TMTC2: variants seen among roughly 807,000 people sequenced by gnomAD.
The protein encoded by TMTC2 is protein O-mannosyl-transferase TMTC2.
A neutral mutation model predicts 82.4 loss-of-function variants in TMTC2; 43 were observed. The observed-to-expected ratio is 0.52, with a 90% CI of 0.41 to 0.67. TMTC2 has a LOEUF of 0.67. Among genes scored for constraint, TMTC2 ranks in the 30% least tolerant of loss-of-function variants. The pLI, the probability that TMTC2 is intolerant of heterozygous loss-of-function variation, is 0.00. For synonymous variants in TMTC2, 408 were observed against 381.9 expected (o/e 1.07, Z -0.80); for missense variants, 919 against 1,012.4 (o/e 0.91, Z 1.25).
At chr12:82,885,608 G>A (rs2137162379) in intron 2 of TMTC2, among the ~76,000 whole-genome samples, 1 of 151,822 alleles carries the variant, frequency 6.6e-6, no homozygotes, top group Non-Finnish European at 1.5e-5. Context: ...GGCCTTGAGT[G>A]ATTCCCCCCA....
chr12:82,765,682 C>T (rs1281120571), intron 1 of TMTC2, among the ~76,000 whole-genome samples: 1 of 142,292 alleles, frequency 7.0e-6, no homozygotes, highest in Non-Finnish European at 1.6e-5. Context: ...CTCGAAAAAA[C>T]AAAACAAAAC....
chr12:82,963,481 G>A (rs1878034068), intron 4 of TMTC2, among the ~76,000 whole-genome samples: 2 of 151,124 alleles, frequency 1.3e-5, no homozygotes, highest in East Asian at 3.9e-4. Flanking sequence ...TTCTTTATCT[G>A]AATTTTAAAG....
chr12:82,866,955 A>G (rs1167311655), intron 2 of TMTC2, among the ~76,000 whole-genome samples: 3 of 152,246 alleles, frequency 2.0e-5, no homozygotes, highest in South Asian at 4.1e-4. Flanking sequence ...GCATAGGATT[A>G]TAAGTTTTAT....
chr12:82,835,071 A>T (rs1299334122), intron 1 of TMTC2, among the ~76,000 whole-genome samples: 1 of 152,070 alleles, frequency 6.6e-6, no homozygotes, highest in East Asian at 1.9e-4. Context: ...CATGTCACCC[A>T]GGCTGGTCTC....
At chr12:82,706,850 C>T (rs942835074) in intron 1 of TMTC2, among the ~76,000 whole-genome samples, 3 of 152,084 alleles carry the variant, frequency 2.0e-5, no homozygotes, top group East Asian at 1.9e-4. Flanking sequence ...GATGGAAAGA[C>T]GTGCCTACTT....
chr12:82,748,568 CTGAGTGGATTAAATACA>C (rs1875810008), intron 1 of TMTC2, among the ~76,000 whole-genome samples: 1 of 151,774 alleles, frequency 6.6e-6, no homozygotes, highest in Non-Finnish European at 1.5e-5. Flanking sequence ...AGCAAATGAA[CTGAGTGGATTAAATACA>C]TTAGTGGGGG....
rs575796321 is a variant in TMTC2 at position 82,870,923 on chromosome 12, G to A, written c.654+13343G>A. On this transcript the variant is annotated intron_variant, in intron 2 of 11. Transcript: ENST00000321196. ...CAGCAGCCTGAAGTTTCTGGTTCTT[G>A]GACAGGATAATTTGTAGTCTTTGAT... Among the ~76,000 whole-genome samples, 5 of 152,286 alleles carry A rather than the reference G, an allele frequency of 3.3e-5. No individual in the cohort carries two copies. In the East Asian group the frequency reaches 9.6e-4, roughly 29 times the overall value.
At chr12:83,038,096 A>G (rs941895641) in intron 9 of TMTC2, among the ~76,000 whole-genome samples, 1 of 135,136 alleles carries the variant, frequency 7.4e-6, no homozygotes, top group Non-Finnish European at 1.5e-5. Flanking sequence ...ATGAGAACAC[A>G]TGGACACAGG....
chr12:82,925,938 T>G (rs1021380375), intron 3 of TMTC2, among the ~76,000 whole-genome samples: 1 of 151,910 alleles, frequency 6.6e-6, no homozygotes, highest in East Asian at 1.9e-4. Flanking sequence ...ACACGAATGA[T>G]AAGAAAGTGG....
intron 8 of TMTC2, among the ~76,000 whole-genome samples, chr12:82,994,095 GCTAT>G (rs1298453461): frequency 6.6e-6 from 1 of 152,076 alleles, no homozygotes; most frequent in Non-Finnish European, 1.5e-5. Context: ...TTCTGTTCCT[GCTAT>G]CTAAGCCCAT....
intron 3 of TMTC2, among the ~76,000 whole-genome samples, chr12:82,917,837 C>G (rs111601252): frequency 1.3e-5 from 2 of 151,332 alleles, no homozygotes; most frequent in Admixed American, 1.3e-4. Context: ...CTCCTGACCT[C>G]GTGATCCACC....
chr12:83,020,723 A>T (rs1303469418), intron 8 of TMTC2, among the ~76,000 whole-genome samples: 1 of 152,192 alleles, frequency 6.6e-6, no homozygotes, highest in South Asian at 2.1e-4. Flanking sequence ...ATTGTAACCT[A>T]TCAAATTATC....
intron 1 of TMTC2, among the ~76,000 whole-genome samples, chr12:82,830,291 C>T (rs1869677389): frequency 6.6e-6 from 1 of 151,774 alleles, no homozygotes; most frequent in South Asian, 2.1e-4. Context: ...AGCATAGTAG[C>T]CCTTAAAATG....
At chr12:82,768,883 G>T (rs1877130778) in intron 1 of TMTC2, among the ~76,000 whole-genome samples, 1 of 152,010 alleles carries the variant, frequency 6.6e-6, no homozygotes, top group South Asian at 2.1e-4. Flanking sequence ...TGGCAAGATT[G>T]TGACAATTGA....
At chr12:82,953,807 T>C (rs1565825815) in intron 4 of TMTC2, among the ~76,000 whole-genome samples, 1 of 149,850 alleles carries the variant, frequency 6.7e-6, no homozygotes, top group Non-Finnish European at 1.5e-5. Flanking sequence ...TAGGAAAAAA[T>C]GTGAGTATCT....
At chr12:82,814,189 C>T (rs1411990976) in intron 1 of TMTC2, among the ~76,000 whole-genome samples, 1 of 152,078 alleles carries the variant, frequency 6.6e-6, no homozygotes, top group African/African-American at 2.4e-5. Context: ...ATTAACCACT[C>T]TGTTAAGTAA....
chr12:82,799,875 G>A (rs920824655), intron 1 of TMTC2, among the ~76,000 whole-genome samples: 6 of 152,034 alleles, frequency 3.9e-5, no homozygotes, highest in Non-Finnish European at 1.5e-5. Context: ...AAGTTTCATG[G>A]CAAAGCTTTC....
At chr12:82,751,476 A>G (rs1875999766) in intron 1 of TMTC2, among the ~76,000 whole-genome samples, 1 of 152,288 alleles carries the variant, frequency 6.6e-6, no homozygotes, top group African/African-American at 2.4e-5. Flanking sequence ...AGCATGGCAC[A>G]TGTATACATA....
At chr12:82,800,911 A>G (rs1878966001) in intron 1 of TMTC2, among the ~76,000 whole-genome samples, 1 of 152,212 alleles carries the variant, frequency 6.6e-6, no homozygotes, top group South Asian at 2.1e-4. Flanking sequence ...GGGTTAAATC[A>G]GAAACATACA....
Sources: gnomAD v4.1 joint callset for allele counts (sites outside exome capture counted in the v4.1 genomes callset) on GRCh38, gnomAD v4.1.1 for gene constraint, MANE v1.5 for transcripts, NCBI Gene and HGNC (gene_info 2026-07-23, HGNC 2026-07-21) for gene names.